GON4L: variants seen among roughly 807,000 people sequenced by gnomAD.
GON4L encodes the protein GON-4-like protein.
Under a neutral mutation model 211.8 loss-of-function variants are expected in GON4L, and 87 were observed. The ratio of observed to expected loss-of-function variants is 0.41; its 90% CI spans 0.35 to 0.49. The LOEUF is 0.49. GON4L is among the 20% of genes least tolerant of loss of function. GON4L has a pLI of 0.15. For synonymous variants in GON4L, 875 were observed against 962.6 expected, an observed-to-expected ratio of 0.91 and a Z score of 1.68; for missense variants, 2,155 against 2,659.5, an observed-to-expected ratio of 0.81 and a Z score of 4.17.
intron 1 of GON4L, among the ~76,000 whole-genome samples, chr1:155,856,759 GGAAAAAAAGAAAAA>G (rs1367711776): frequency 6.6e-6 from 1 of 151,610 alleles, no homozygotes; most frequent in Non-Finnish European, 1.5e-5. Context: ...CAAAAAAAGG[GGAAAAAAAGAAAAA>G]GAAAGAAAGA....
intron 13 of GON4L, 57 bp downstream of exon 13, chr1:155,785,277 A>ATC: frequency 9.0e-7 from 1 of 1,106,658 alleles, no homozygotes; most frequent in Non-Finnish European, 1.4e-6. Flanking sequence ...CAAATGACAC[A>ATC]TCTTGCTGGA....
At chr1:155,825,406 C>T (rs1669105538) in intron 3 of GON4L, among the ~76,000 whole-genome samples, 1 of 150,550 alleles carries the variant, frequency 6.6e-6, no homozygotes, top group Admixed American at 6.6e-5. Flanking sequence ...AAGCCCGTCT[C>T]TACTAAAAAT....
Position 155,751,974 on chromosome 1 carries a change from A to C in GON4L, c.6459T>G (p.Val2153=), listed in dbSNP as rs781710705. ...NSKVSSTGEK[V]VLWTREADRV... is the part of the protein sequence containing the mutation. ...CCCTTACCTACCTTGTCCACAGGAC[A>C]ACCTTTTCCCCAGTGGAGCTGACCT... Residue 2153 remains valine, a synonymous_variant, in exon 30 of 32, where the codon GTT becomes GTG. Coordinates refer to ENST00000368331, the MANE Select transcript of GON4L (RefSeq NM_001282860.2). 12 of 1,612,064 alleles carry C rather than the reference A, an allele frequency of 7.4e-6. No homozygotes were observed. Among genetic ancestry groups the C allele is most frequent in the South Asian group, 4.4e-5 (4 of 91,042 alleles).
At position 155,827,002 on chromosome 1, in the gene GON4L, C is replaced by G. The variant is rs1291649620; in HGVS notation, c.532G>C (p.Glu178Gln). 1.2e-6 allele frequency: 2 copies of G among 1,613,480 alleles called. No individual in the cohort carries two copies. The highest frequency in any genetic ancestry group is 3.3e-5 in the Admixed American group (2 of 59,986). Residue 178 changes from glutamate to glutamine, a missense_variant, in exon 3 of 32, where the codon GAG (glutamate) becomes CAG (glutamine). By Grantham distance (29) the Glu-to-Gln change is conservative. Coordinates refer to ENST00000368331, the MANE Select transcript of GON4L (RefSeq NM_001282860.2). ...GGKPQMNSEG[E>Q]IPSLPSGSQS... ...CTGCCTGATGGCAGGGAAGGTATCT[C>G]CCCTTCAGAATTCATTTGAGGTTTC...
At chr1:155,766,741 T>A in intron 20 of GON4L, 32 bp from the exon 21 acceptor site, 1 of 1,613,254 alleles carries the variant, frequency 6.2e-7, no homozygotes, top group Non-Finnish European at 8.5e-7. Context: ...TGATCCAGCA[T>A]ATGTCAGAAT....
intron 2 of GON4L, among the ~76,000 whole-genome samples, chr1:155,847,628 G>A (rs764360960): frequency 1.8e-4 from 27 of 152,126 alleles, no homozygotes; most frequent in South Asian, 1.2e-3. Flanking sequence ...CTTGAACCCA[G>A]GAGGTGGTGG....
intron 2 of GON4L, among the ~76,000 whole-genome samples, chr1:155,834,746 T>C (rs1381190037): frequency 6.6e-6 from 1 of 152,176 alleles, no homozygotes; most frequent in African/African-American, 2.4e-5. Context: ...TGTTACCTTA[T>C]ATGGTTTAAA....
rs1458400507 is a variant in GON4L at position 155,751,783 on chromosome 1, T to C, written c.6560A>G (p.Asn2187Ser). The C allele has an allele frequency of 5.6e-6, 9 of 1,613,050 alleles. No homozygotes were observed. Among genetic ancestry groups the C allele is most frequent in the Non-Finnish European group, 7.6e-6 (9 of 1,179,178 alleles). ...TFNIISQQLG[N>S]KTPAEVSHRF... ...CGCACCTACCTCAGCAGGGGTCTTATTTCCCAGCTGCTGGGAGATGATGTT... is the reference window on the plus strand; with the variant it reads ...CGCACCTACCTCAGCAGGGGTCTTACTTCCCAGCTGCTGGGAGATGATGTT... Residue 2187 changes from asparagine to serine, a missense_variant, in exon 31 of 32, where the codon AAT becomes AGT. Physicochemically the swap from Asn to Ser is conservative, Grantham distance 46. Transcript: ENST00000368331.
At chr1:155,796,922 AAT>A (rs1205630960) in intron 11 of GON4L, among the ~76,000 whole-genome samples, 1 of 152,158 alleles carries the variant, frequency 6.6e-6, no homozygotes, top group Non-Finnish European at 1.5e-5. Flanking sequence ...ATAATGGAAA[AAT>A]ATATGTTATA....
chr1:155,775,967 G>A (rs1663778265), intron 16 of GON4L, among the ~76,000 whole-genome samples: 1 of 151,980 alleles, frequency 6.6e-6, no homozygotes, highest in South Asian at 2.1e-4. Flanking sequence ...GTATTTTGTA[G>A]AGACGGGCTT....
intron 10 of GON4L, among the ~76,000 whole-genome samples, chr1:155,806,231 C>T (rs540449209): frequency 2.6e-5 from 4 of 151,442 alleles, no homozygotes; most frequent in Non-Finnish European, 5.9e-5. Context: ...CGGATCACTG[C>T]AACCTCCATC....
downstream of GON4L, chr1:155,745,890 G>A (rs776334882): frequency 1.0e-6 from 1 of 983,362 alleles, no homozygotes; most frequent in Admixed American, 2.6e-5. Flanking sequence ...GGTTTCGTGG[G>A]CGCGCACTGG....
intron 6 of GON4L, among the ~76,000 whole-genome samples, chr1:155,819,551 C>T (rs745626296): frequency 7.2e-5 from 11 of 152,012 alleles, no homozygotes; most frequent in African/African-American, 9.7e-5. Flanking sequence ...CCACCAAGCC[C>T]AGCCTAGACC....
chr1:155,763,971 C>T (rs1662123004), intron 21 of GON4L, among the ~76,000 whole-genome samples: 1 of 150,724 alleles, frequency 6.6e-6, no homozygotes, highest in East Asian at 2.0e-4. Flanking sequence ...CCACTGCACT[C>T]CAATCCGGGA....
At chr1:155,816,843 T>C (rs921979873) in intron 6 of GON4L, among the ~76,000 whole-genome samples, 4 of 150,664 alleles carry the variant, frequency 2.7e-5, no homozygotes, top group Non-Finnish European at 4.4e-5. Context: ...TCCACACTTA[T>C]TTTTCCAATA....
At chr1:155,759,965 T>TTATATATATATATATATATTA (rs34443325) in intron 24 of GON4L, among the ~76,000 whole-genome samples, 1 of 144,282 alleles carries the variant, frequency 6.9e-6, no homozygotes, top group Non-Finnish European at 1.5e-5. Context: ...ATTTTATATA[T>TTATATATATATATATATATTA]TATATATATA....
At chr1:155,753,741 G>A (rs540939655) in intron 28 of GON4L, among the ~76,000 whole-genome samples, 3 of 152,260 alleles carry the variant, frequency 2.0e-5, no homozygotes, top group Admixed American at 1.3e-4. Context: ...TCTTGCCCAG[G>A]CTGGAGTGCA....
At chr1:155,855,084 G>A (rs945405229) in intron 1 of GON4L, among the ~76,000 whole-genome samples, 1 of 150,984 alleles carries the variant, frequency 6.6e-6, no homozygotes, top group African/African-American at 2.4e-5. Flanking sequence ...ACTTTGTGTC[G>A]AAACAAGGAA....
At chr1:155,856,562 G>C (rs1333795184) in intron 1 of GON4L, among the ~76,000 whole-genome samples, 2 of 152,044 alleles carry the variant, frequency 1.3e-5, no homozygotes, top group African/African-American at 2.4e-5. Context: ...CCTCCCTTCT[G>C]TTTCTCCAAG....
Sources: allele counts gnomAD v4.1 joint callset (sites outside exome capture counted in the v4.1 genomes callset), GRCh38; gene constraint gnomAD v4.1.1; transcripts MANE v1.5; gene names NCBI Gene and HGNC (gene_info 2026-07-23, HGNC 2026-07-21).